The following PKHD1L1 variants were observed in gnomAD, a reference collection of about 807,000 sequenced individuals.
PKHD1L1 encodes the protein PKHD1 like 1, also known as fibrocystin-L.
In PKHD1L1, 434 loss-of-function variants were observed where a neutral mutation model predicts 462.9. The observed-to-expected ratio is 0.94, with a 90% confidence interval of 0.87 to 1.02. The LOEUF is 1.02. PKHD1L1 is among the 50% of genes least tolerant of loss of function. PKHD1L1 has a pLI of 0.00. For synonymous variants in PKHD1L1, 1,781 were observed against 1,750.0 expected (o/e 1.02, Z -0.44); for missense variants, 5,202 against 5,096.1 (o/e 1.02, Z -0.63).
chr8:109,431,318 CAT>C (rs150370999), intron 27 of PKHD1L1, among the ~76,000 whole-genome samples: 3,784 of 152,148 alleles, frequency 0.025, 153 homozygotes, highest in African/African-American at 0.087. Flanking sequence ...TACAAAAATA[CAT>C]ATATTTTTCA....
chr8:109,450,112 AC>A (rs1429381674), intron 40 of PKHD1L1, among the ~76,000 whole-genome samples: 2 of 152,316 alleles, frequency 1.3e-5, no homozygotes, highest in East Asian at 3.9e-4. Flanking sequence ...TTTGTTACTT[AC>A]TGTGTAACCC....
Position 109,485,070 on chromosome 8 carries a change from C to A in PKHD1L1, c.9603C>A (p.Thr3201=). Residue 3201 remains threonine (T), a synonymous_variant, in exon 58 of 78, where the codon ACC becomes ACA. Transcript: ENST00000378402. ...AGGGAGAAGAGATTGTGATAACAAC[C>A]ACAAGCTACGATTTCCACCAGACAG... ...WQEGEEIVIT[T]TSYDFHQTET... is the part of the protein sequence containing the mutation. The A allele has an allele frequency of 6.3e-7, 1 of 1,599,228 alleles. No individual in the cohort carries two copies. Among genetic ancestry groups the A allele is most frequent in the Non-Finnish European group, 8.5e-7 (1 of 1,172,758 alleles).
intron 59 of PKHD1L1, among the ~76,000 whole-genome samples, chr8:109,488,856 T>G: frequency 6.6e-6 from 1 of 150,930 alleles, no homozygotes; most frequent in South Asian, 2.1e-4. Flanking sequence ...CTCATAATGT[T>G]ATGGCATAAA....
rs890644275 is a variant in PKHD1L1 at position 109,420,450 on chromosome 8, T to A, written c.2525-68T>A. 6 of 1,039,090 alleles carry A rather than the reference T, an allele frequency of 5.8e-6. No homozygotes were observed. The African/African-American group carries it at 8.4e-5, about 14-fold the overall frequency. The allele number at this position is 1,039,090 out of a possible 1,614,324, so 64.4% of individuals were successfully genotyped here. A position where few individuals can be genotyped will look rare whatever the true frequency, so the allele number is the denominator to read the frequency against. ...ATGCAATTTTATCTCCTCTATTAGG[T>A]TAATTTTACATGGCAAAAACCACAG... On this transcript the variant is annotated intron_variant, in intron 22 of 77. Coordinates refer to ENST00000378402, the MANE Select transcript of PKHD1L1 (RefSeq NM_177531.6).
rs192791540 is a variant in PKHD1L1 at position 109,525,553 on chromosome 8, G to A, written c.12485-1231G>A. ...TAGCTAGAGCTGGCTAAGATGGCTT[G>A]ATTGAGGTCATATCTCTATGGACCT... On this transcript the variant is annotated intron_variant, in intron 76 of 77. Transcript: ENST00000378402. 8.9e-3 allele frequency among the ~76,000 whole-genome samples: 1,361 copies of A among 152,248 alleles called. 23 individuals carry two copies. Among genetic ancestry groups the A allele is most frequent in the African/African-American group, 0.031 (1,296 of 41,536 alleles).
rs1269418799 is a variant in PKHD1L1, at chr8:109,526,973, T to C, written c.12674T>C (p.Leu4225Pro). 7 of 1,613,634 alleles carry C rather than the reference T, an allele frequency of 4.3e-6. No individual in the cohort carries two copies. Among genetic ancestry groups the C allele is most frequent in the Non-Finnish European group, 5.1e-6 (6 of 1,179,780 alleles). ...VISCLVGRMW[L>P]LEIFMAAVST... is the part of the protein sequence containing the mutation. ...AGCTGTCTGGTTGGAAGAATGTGGC[T>C]CTTGGAAATATTTATGGCTGCAGTT... is the stretch of plus-strand genomic sequence containing the variant. Residue 4225 changes from leucine (L) to proline (P), a missense_variant, in exon 77 of 78, where the codon CTC (leucine) becomes CCC (proline). Around this residue, in one of 3 missense-constraint regions of PKHD1L1, gnomAD observed 698 missense variants for 736.3 expected, o/e 0.95. Coordinates refer to ENST00000378402, the MANE Select transcript of PKHD1L1 (RefSeq NM_177531.6).
chr8:109,394,535 T>C lies in PKHD1L1; in HGVS notation c.811+50T>C, dbSNP rs922705499. On this transcript the variant is annotated intron_variant, in intron 10 of 77. Coordinates refer to ENST00000378402, the MANE Select transcript of PKHD1L1 (RefSeq NM_177531.6). The stretch of plus-strand genomic sequence containing the variant: ...TTGCGGGGGTGGTGGGAAGGCAGTG[T>C]ATAATTGATTTAATCAAACCAAAGA... 4 of 1,201,794 alleles carry C rather than the reference T, an allele frequency of 3.3e-6. No individual in the cohort carries two copies. In the African/African-American group the frequency reaches 4.7e-5, roughly 14 times the overall value. 74.4% of individuals were successfully genotyped at this position (1,201,794 alleles called of 1,614,324 possible). A position where few individuals can be genotyped will look rare whatever the true frequency, so the allele number is the denominator to read the frequency against.
intron 2 of PKHD1L1, among the ~76,000 whole-genome samples, chr8:109,377,001 A>G (rs932431097): frequency 6.6e-6 from 1 of 152,222 alleles, no homozygotes; most frequent in East Asian, 1.9e-4. Flanking sequence ...ATCAGGCACA[A>G]TGAAGTCCTG....
chr8:109,394,197 A>AAAAAAAAAG (rs1266975693), intron 9 of PKHD1L1, among the ~76,000 whole-genome samples: 2 of 135,918 alleles, frequency 1.5e-5, no homozygotes, highest in African/African-American at 2.7e-5. Context: ...AAAAAAAAAA[A>AAAAAAAAAG]GAAATCAACT....
chr8:109,371,527 T>C (rs543553027), intron 2 of PKHD1L1, among the ~76,000 whole-genome samples: 94 of 150,236 alleles, frequency 6.3e-4, no homozygotes, highest in African/African-American at 2.2e-3. Flanking sequence ...CATTTGTCAA[T>C]TTTGGCTTTT....
Position 109,400,256 on chromosome 8 carries a change from C to T in PKHD1L1, c.1193C>T (p.Ala398Val). The T allele has an allele frequency of 4.3e-6, 7 of 1,613,632 alleles. No individual in the cohort carries two copies. Among genetic ancestry groups the T allele is most frequent in the Non-Finnish European group, 5.9e-6 (7 of 1,179,666 alleles). ...FVARFSGFLV[A>V]PDSDVYRFYI... The stretch of plus-strand genomic sequence containing the variant: ...GCACGCTTTAGTGGATTTTTGGTGG[C>T]TCCAGATTCTGATGTTTATAGATTC... Residue 398 changes from alanine to valine, a missense_variant, in exon 13 of 78, where the codon GCT becomes GTT. Coordinates refer to ENST00000378402, the MANE Select transcript of PKHD1L1 (RefSeq NM_177531.6).
intron 14 of PKHD1L1, among the ~76,000 whole-genome samples, chr8:109,403,957 A>T (rs1250152084): frequency 6.6e-6 from 1 of 152,126 alleles, no homozygotes; most frequent in Admixed American, 6.6e-5. Context: ...CAGTAGGATG[A>T]GGGGCAGGAG....
At chr8:109,455,292 C>T (rs1458672844) in intron 45 of PKHD1L1, among the ~76,000 whole-genome samples, 1 of 152,190 alleles carries the variant, frequency 6.6e-6, no homozygotes, top group Non-Finnish European at 1.5e-5. Flanking sequence ...GAGCCAAGAT[C>T]ACACCACTGC....
chr8:109,508,592 G>GA (rs59045000), intron 70 of PKHD1L1, among the ~76,000 whole-genome samples: 8,268 of 151,334 alleles, frequency 0.055, 539 homozygotes, highest in African/African-American at 0.16. Context: ...GTATTTTAAA[G>GA]AAAAAAAAGG....
At chr8:109,444,323 G>A (rs937707780) in intron 37 of PKHD1L1, among the ~76,000 whole-genome samples, 4 of 152,086 alleles carry the variant, frequency 2.6e-5, no homozygotes, top group Non-Finnish European at 5.9e-5. Context: ...GTTCACACAA[G>A]TTGTACCATG....
At position 109,476,459 on chromosome 8, in the gene PKHD1L1, T is replaced by C. The variant is rs761165030; in HGVS notation, c.8758-49T>C. Reference sequence around the variant, plus strand: ...ATATGTCATTAAAATTAATGTGTTATACGAAGAATATTAACATACAAGTCA... The same window carrying C: ...ATATGTCATTAAAATTAATGTGTTACACGAAGAATATTAACATACAAGTCA... On this transcript the variant is annotated intron_variant, in intron 51 of 77. Coordinates refer to ENST00000378402, the MANE Select transcript of PKHD1L1 (RefSeq NM_177531.6). 32 of 1,205,836 alleles carry C rather than the reference T, an allele frequency of 2.7e-5. 1 individual carries two copies. The highest frequency in any genetic ancestry group is 3.5e-5 in the Non-Finnish European group (31 of 873,976). The allele number at this position is 1,205,836 out of a possible 1,614,324, so 74.7% of individuals were successfully genotyped here.
chr8:109,398,875 T>C (rs1411034199), intron 12 of PKHD1L1, among the ~76,000 whole-genome samples: 4 of 152,122 alleles, frequency 2.6e-5, no homozygotes, highest in Admixed American at 2.6e-4. Flanking sequence ...ACATAGAAAT[T>C]TTTTAAATGC....
At position 109,389,213 on chromosome 8, in the gene PKHD1L1, T is replaced by G; in HGVS notation, c.697+61T>G. ...GATGCCTTATTCTATTTCCCTGTTT[T>G]GTATTCTCCTAGACCTCCCTCCTCT... is the stretch of plus-strand genomic sequence containing the variant. On this transcript the variant is annotated intron_variant, in intron 8 of 77. Coordinates refer to ENST00000378402, the MANE Select transcript of PKHD1L1 (RefSeq NM_177531.6). 1.7e-5 allele frequency: 23 copies of G among 1,376,458 alleles called. No homozygotes were observed. The South Asian group carries it at 2.8e-4, about 17-fold the overall frequency. 85.3% of individuals were successfully genotyped at this position (1,376,458 alleles called of 1,614,324 possible).
chr8:109,510,218 A>T (rs1209320959), intron 70 of PKHD1L1, among the ~76,000 whole-genome samples: 1 of 152,144 alleles, frequency 6.6e-6, no homozygotes, highest in Non-Finnish European at 1.5e-5. Flanking sequence ...ACTACTTTTA[A>T]AAAACAAGTG....
Sources: allele counts gnomAD v4.1 joint callset (sites outside exome capture counted in the v4.1 genomes callset), GRCh38; gene constraint gnomAD v4.1.1; regional missense constraint gnomAD v4.1.1; transcripts MANE v1.5; gene names NCBI Gene and HGNC (gene_info 2026-07-23, HGNC 2026-07-21).